Variants in PLIN4 observed in about 807,000 individuals in gnomAD.
The protein encoded by PLIN4 is perilipin-4.
PLIN4 carries 57 observed loss-of-function variants against 52.4 expected under a neutral mutation model. The ratio of observed to expected loss-of-function variants is 1.09; its 90% CI spans 0.88 to 1.36. PLIN4 has a LOEUF of 1.36. Among genes scored for constraint, PLIN4 ranks in the 40% most tolerant of loss-of-function variants. The pLI, the probability that PLIN4 is intolerant of heterozygous loss-of-function variation, is 0.00. For missense variants in PLIN4, 1,757 were observed against 1,770.3 expected (o/e 0.99, Z 0.13); for synonymous variants, 826 against 785.4 (o/e 1.05, Z -0.86).
Position 4,504,763 on chromosome 19 carries a change from G to T in PLIN4, c.3812C>A (p.Ser1271Tyr). 1 of 1,600,240 alleles carries T rather than the reference G, an allele frequency of 6.2e-7. No homozygotes were observed. The highest frequency in any genetic ancestry group is 8.5e-7 in the Non-Finnish European group (1 of 1,172,818). The part of the protein sequence containing the change: ...VQEERDAGVL[S>Y]RVCGLLRQLH... The stretch of plus-strand genomic sequence containing the variant: ...CTGCCGGAGAAGGCCGCAGACCCTG[G>T]ACAGAACCCCGGCATCCCGCTCCTG... The change falls in exon 8 of 8, where the codon TCC (serine) becomes TAC (tyrosine). Residue 1271 changes from serine (S) to tyrosine (Y), a missense_variant. Coordinates refer to ENST00000301286, the MANE Select transcript of PLIN4 (RefSeq NM_001367868.2).
Position 4,504,412 on chromosome 19 carries a change from C to A in PLIN4, c.*47G>T. On this transcript the variant is annotated 3_prime_UTR_variant, in exon 8 of 8. Coordinates refer to ENST00000301286, the MANE Select transcript of PLIN4 (RefSeq NM_001367868.2). Reference sequence around the variant, plus strand: ...GAGAAAGTTCTGAGGCAGCTCCTCCCTGGACAGAGCAGGGCGACCCCGCGC... The same window carrying A: ...GAGAAAGTTCTGAGGCAGCTCCTCCATGGACAGAGCAGGGCGACCCCGCGC... 6.9e-7 allele frequency: 1 copy of A among 1,456,538 alleles called. No individual in the cohort carries two copies. 90.2% of individuals were successfully genotyped at this position (1,456,538 alleles called of 1,614,324 possible).
chr19:4,504,948 C>A lies in PLIN4; in HGVS notation c.3703-1G>T, dbSNP rs764042604. The A allele has an allele frequency of 4.4e-6, 7 of 1,600,814 alleles. No individual in the cohort carries two copies. Among genetic ancestry groups the A allele is most frequent in the Non-Finnish European group, 6.0e-6 (7 of 1,175,124 alleles). ...CTGGAGCCTGCTGGGCCTTTTCAATCTGGAGAGAGAGTACAGTGGGGAAAT... is the reference window on the plus strand; with the variant it reads ...CTGGAGCCTGCTGGGCCTTTTCAATATGGAGAGAGAGTACAGTGGGGAAAT... On this transcript the variant is annotated splice_acceptor_variant, in intron 6 of 7. Coordinates refer to ENST00000301286, the MANE Select transcript of PLIN4 (RefSeq NM_001367868.2). LOFTEE classifies it high-confidence loss of function.
intron 3 of PLIN4, 25 bp from the exon 4 acceptor site, chr19:4,516,703 G>T: frequency 6.4e-7 from 1 of 1,565,760 alleles, no homozygotes; most frequent in Non-Finnish European, 8.7e-7. Context: ...GCCGGTCAGG[G>T]AGAGTGAGGG....
At position 4,504,512 on chromosome 19, in the gene PLIN4, G is replaced by T; in HGVS notation, c.4063C>A (p.Pro1355Thr). The part of the protein sequence containing the change: ...EQLLEGLQHN[P>T]PLSWLVGPFA... ...GGCCCTACCAGCCAGCTGAGCGGGG[G>T]ATTGTGCTGTAGGCCCTCCAGCAGC... The change falls in exon 8 of 8, where the codon CCC becomes ACC. Residue 1355 changes from proline (P) to threonine (T), a missense_variant. Pro to Thr is a conservative substitution (Grantham distance 38). Coordinates refer to ENST00000301286, the MANE Select transcript of PLIN4 (RefSeq NM_001367868.2). The T allele has an allele frequency of 1.2e-6, 2 of 1,602,522 alleles. No homozygotes were observed. Among genetic ancestry groups the T allele is most frequent in the Non-Finnish European group, 8.5e-7 (1 of 1,174,400 alleles).
chr19:4,511,156 ACT>A lies in PLIN4; in HGVS notation c.2802_2803del (p.Val935HisfsTer26), dbSNP rs1200594432. 4 of 1,609,968 alleles carry A rather than the reference ACT, an allele frequency of 2.5e-6. No homozygotes were observed. The highest frequency in any genetic ancestry group is 3.4e-6 in the Non-Finnish European group (4 of 1,177,566). ...TTTGGCCACATTTACGGCACCAGTGACTCCACTGCAGACGGTGTCCTTGGTAC... is the reference window on the plus strand; with the variant it reads ...TTTGGCCACATTTACGGCACCAGTGACCACTGCAGACGGTGTCCTTGGTAC... On this transcript the variant is annotated frameshift_variant, in exon 5 of 8. Transcript: ENST00000301286. LOFTEE classifies it high-confidence loss of function.
Position 4,504,292 on chromosome 19 carries a change from A to C in PLIN4, c.*167T>G, listed in dbSNP as rs1427961494. On this transcript the variant is annotated 3_prime_UTR_variant, in exon 8 of 8. Coordinates refer to ENST00000301286, the MANE Select transcript of PLIN4 (RefSeq NM_001367868.2). The stretch of plus-strand genomic sequence containing the variant: ...GAGCAGGGCGTGGGGTGGCTCAGTT[A>C]AGAAGGTCACTGCCTCCGCAGCCCC... 8.9e-6 allele frequency: 6 copies of C among 677,364 alleles called. No individual in the cohort carries two copies. Among genetic ancestry groups the C allele is most frequent in the Admixed American group, 6.4e-5 (2 of 31,440 alleles). The allele number at this position is 677,364 out of a possible 1,614,324, so 42.0% of individuals were successfully genotyped here.
rs543854585 is a variant in PLIN4, at chr19:4,518,252, C to T, written c.21G>A (p.Gly7=). ...CCTTCGGTTTGGGGGGATCCCGTCT[C>T]CCTTCGTCTGGAGCAGACATAGTGA... MSAPDE[G]RRDPPKPKGK... Residue 7 remains glycine (G), a synonymous_variant, in exon 2 of 8, where the codon GGG becomes GGA. Coordinates refer to ENST00000301286, the MANE Select transcript of PLIN4 (RefSeq NM_001367868.2). The T allele has an allele frequency of 3.2e-6, 4 of 1,232,980 alleles. No individual in the cohort carries two copies. The highest frequency in any genetic ancestry group is 8.2e-5 in the South Asian group (2 of 24,438). 76.4% of individuals were successfully genotyped at this position (1,232,980 alleles called of 1,614,324 possible). A position where few individuals can be genotyped will look rare whatever the true frequency, so the allele number is the denominator to read the frequency against.
chr19:4,516,695 C>G lies in PLIN4; in HGVS notation c.197-17G>C, dbSNP rs369989191. ...GGGCAGCCACTGTGGGGACAGGGGC[C>G]GGTCAGGGAGAGTGAGGGATGCAGT... is the stretch of plus-strand genomic sequence containing the variant. On this transcript the variant is annotated splice_polypyrimidine_tract_variant and intron_variant, in intron 3 of 7. Transcript: ENST00000301286. 1 of 1,579,124 alleles carries G rather than the reference C, an allele frequency of 6.3e-7. No homozygotes were observed. The highest frequency in any genetic ancestry group is 2.3e-5 in the East Asian group (1 of 43,242).
At chr19:4,506,790 C>T (rs1221203626) in intron 6 of PLIN4, among the ~76,000 whole-genome samples, 1 of 152,276 alleles carries the variant, frequency 6.6e-6, no homozygotes, top group Non-Finnish European at 1.5e-5. Flanking sequence ...CAGCGTGCTG[C>T]GAGGGTGGGC....
At chr19:4,516,362 G>A (rs1424408368) in intron 4 of PLIN4, among the ~76,000 whole-genome samples, 1 of 152,212 alleles carries the variant, frequency 6.6e-6, no homozygotes, top group Non-Finnish European at 1.5e-5. Context: ...TGTGTAGACT[G>A]GAACCTTACG....
At chr19:4,517,324 G>T (rs886338199) in intron 3 of PLIN4, among the ~76,000 whole-genome samples, 1 of 450 alleles carries the variant, frequency 2.2e-3, no homozygotes, top group East Asian at 0.1. Flanking sequence ...GGACTGAGTG[G>T]GGGGGCATTG....
rs745799278 is a variant in PLIN4 at position 4,512,478 on chromosome 19, G to A, written c.1482C>T (p.Val494=). 1.3e-6 allele frequency: 2 copies of A among 1,583,820 alleles called. No homozygotes were observed. The highest frequency in any genetic ancestry group is 1.7e-6 in the Non-Finnish European group (2 of 1,168,778). ...ACACAGCATCTTTAGTGCCAGTCAGGACAGACTTTGTAGTGTCCAGGCCGC... is the reference window on the plus strand; with the variant it reads ...ACACAGCATCTTTAGTGCCAGTCAGAACAGACTTTGTAGTGTCCAGGCCGC... The part of the protein sequence containing the change: ...VQGGLDTTKS[V]LTGTKDAVST... The change falls in exon 5 of 8, where the codon GTC becomes GTT. Residue 494 remains valine, a synonymous_variant. Coordinates refer to ENST00000301286, the MANE Select transcript of PLIN4 (RefSeq NM_001367868.2).
rs775537941 is a variant in PLIN4, at chr19:4,508,912, C to G, written c.3558G>C (p.Ala1186=). The G allele has an allele frequency of 1.2e-6, 2 of 1,612,812 alleles. No individual in the cohort carries two copies. Among genetic ancestry groups the G allele is most frequent in the Non-Finnish European group, 8.5e-7 (1 of 1,179,816 alleles). Residue 1186 remains alanine (A), a synonymous_variant, in exon 6 of 8, where the codon GCG becomes GCC. Transcript: ENST00000301286. ...AACGAACGAAGTAGCTCCCCTGTTC[C>G]GCCGACAGCACCTTTGGCCCAGGCT... ...ASQPGPKVLS[A]EQGSYFVRLG...
Position 4,502,828 on chromosome 19 carries a change from C to T in PLIN4, c.*1631G>A, listed in dbSNP as rs1038633926. 3 of 152,618 alleles carry T rather than the reference C, an allele frequency of 2.0e-5. No homozygotes were observed. The highest frequency in any genetic ancestry group is 4.4e-5 in the Non-Finnish European group (3 of 68,322). 9.5% of individuals were successfully genotyped at this position (152,618 alleles called of 1,614,324 possible). A position where few individuals can be genotyped will look rare whatever the true frequency, so the allele number is the denominator to read the frequency against. On this transcript the variant is annotated 3_prime_UTR_variant, in exon 8 of 8. Coordinates refer to ENST00000301286, the MANE Select transcript of PLIN4 (RefSeq NM_001367868.2). Reference sequence around the variant, plus strand: ...AGTTGCTCATTCCACAGTGGCGTCTCGTGTTTGTCGTCCTGCCCAGCGTAG... The same window carrying T: ...AGTTGCTCATTCCACAGTGGCGTCTTGTGTTTGTCGTCCTGCCCAGCGTAG...
rs528022375 is a variant in PLIN4, at chr19:4,502,773, C to T, written c.*1686G>A. On this transcript the variant is annotated 3_prime_UTR_variant, in exon 8 of 8. Transcript: ENST00000301286. ...TGCATAAGGGGCTGTCACGTGGGCACGGTCCCAAGCAAGTCACCCCGTGCT... is the reference window on the plus strand; with the variant it reads ...TGCATAAGGGGCTGTCACGTGGGCATGGTCCCAAGCAAGTCACCCCGTGCT... 245 of 153,176 alleles carry T rather than the reference C, an allele frequency of 1.6e-3. 5 individuals are homozygous for T. The highest frequency in any genetic ancestry group is 5.3e-3 in the South Asian group (26 of 4,878). The allele number at this position is 153,176 out of a possible 1,614,324, so 9.5% of individuals were successfully genotyped here. A position where few individuals can be genotyped will look rare whatever the true frequency, so the allele number is the denominator to read the frequency against.
intron 6 of PLIN4, among the ~76,000 whole-genome samples, chr19:4,506,775 G>A (rs184977923): frequency 7.9e-5 from 12 of 152,372 alleles, no homozygotes; most frequent in Admixed American, 2.6e-4. Context: ...GTGATCAGCC[G>A]CTTGCAGCGT....
At position 4,504,830 on chromosome 19, in the gene PLIN4, T is replaced by C. The variant is rs764687701; in HGVS notation, c.3789+31A>G. The C allele has an allele frequency of 1.9e-6, 3 of 1,602,092 alleles. No homozygotes were observed. The Admixed American group carries it at 5.1e-5, about 27-fold the overall frequency. ...GGTGAGTGGAGACCCATGGGCGGGG[T>C]GGGGGGACCCTAGCCCTGTGCCAGA... On this transcript the variant is annotated intron_variant, in intron 7 of 7. Transcript: ENST00000301286.
chr19:4,512,689 G>A lies in PLIN4; in HGVS notation c.1271C>T (p.Thr424Ile). 4 of 1,555,356 alleles carry A rather than the reference G, an allele frequency of 2.6e-6. 1 individual carries two copies. Among genetic ancestry groups the A allele is most frequent in the Non-Finnish European group, 3.5e-6 (4 of 1,157,232 alleles). The change falls in exon 5 of 8, where the codon ACA (threonine) becomes ATA (isoleucine). Residue 424 changes from threonine (T) to isoleucine (I), a missense_variant. Physicochemically the swap from Thr to Ile is moderately conservative, Grantham distance 89 (BLOSUM62 -1). Transcript: ENST00000301286. ...TGTACCTGTTGCGATATTTTGGGTT[G>A]TGTTCAGCCCAGTTTGCATGGCCCC... ...AKGAMQTGLN[T>I]TQNIATGTKD...
In PLIN4 at chr19:4,504,439, G is replaced by A. The variant is rs778269501; in HGVS notation, c.*20C>T. The A allele has an allele frequency of 1.7e-5, 26 of 1,526,432 alleles. No homozygotes were observed. In the East Asian group the frequency reaches 1.9e-4, roughly 11 times the overall value. The allele number at this position is 1,526,432 out of a possible 1,614,324, so 94.6% of individuals were successfully genotyped here. ...GGACAGAGCAGGGCGACCCCGCGCC[G>A]GGCCTGCAGGCTCCTACAGCTACTG... On this transcript the variant is annotated 3_prime_UTR_variant, in exon 8 of 8. Transcript: ENST00000301286.
Sources: gnomAD v4.1 joint callset for allele counts (sites outside exome capture counted in the v4.1 genomes callset) on GRCh38, gnomAD v4.1.1 for gene constraint, MANE v1.5 for transcripts, NCBI Gene and HGNC (gene_info 2026-07-23, HGNC 2026-07-21) for gene names.